ATXN1: variants seen among roughly 807,000 people sequenced by gnomAD.
ATXN1 encodes ataxin 1, also known as ataxin-1.
A neutral mutation model predicts 56.4 loss-of-function variants in ATXN1; 8 were observed. The observed-to-expected ratio is 0.14, with a 90% CI of 0.08 to 0.26. The LOEUF (loss-of-function observed/expected upper bound fraction) is 0.26, where lower values mean the gene tolerates loss of function less well. Among genes scored for constraint, ATXN1 ranks in the 10% least tolerant of loss-of-function variants. ATXN1 has a pLI of 1.00. For missense variants in ATXN1, 987 were observed against 1,106.5 expected (o/e 0.89, Z 1.53); for synonymous variants, 514 against 494.6 (o/e 1.04, Z -0.52).
intron 3 of ATXN1, among the ~76,000 whole-genome samples, chr6:16,635,026 G>A (rs1348033561): frequency 6.6e-6 from 1 of 152,180 alleles, no homozygotes; most frequent in East Asian, 1.9e-4. Flanking sequence ...GTGAGCAGTA[G>A]GCGAATGAGC....
chr6:16,719,856 G>A (rs74435795), intron 2 of ATXN1, among the ~76,000 whole-genome samples: 2,584 of 152,256 alleles, frequency 0.017, 33 homozygotes, highest in African/African-American at 0.032. Context: ...GGATGACAGC[G>A]GCAAGGAAAG....
rs142958498 is a variant in ATXN1, at chr6:16,417,462, G to A, written c.-161+68510C>T. ...TCTTATTTTTTTTTTTTCTTGAGAC[G>A]GAGTCTTGCTCTGTCACCCAGGCTG... On this transcript the variant is annotated intron_variant, in intron 6 of 7. Coordinates refer to ENST00000436367, the MANE Select transcript of ATXN1 (RefSeq NM_001128164.2). Among the ~76,000 whole-genome samples, 143 of 137,598 alleles carry A rather than the reference G, an allele frequency of 1.0e-3. 5 individuals are homozygous for A. In the East Asian group the frequency reaches 0.026, roughly 25 times the overall value. 90.3% of individuals were successfully genotyped at this position (137,598 alleles called of 152,430 possible). A position where few individuals can be genotyped will look rare whatever the true frequency, so the allele number is the denominator to read the frequency against.
At position 16,305,124 on chromosome 6, in the gene ATXN1, T is replaced by C. The variant is rs1365683858; in HGVS notation, c.*1205A>G. ...ACTTAGTTTTTTTTGTTTTTGTTTTTTCCCCAAAGAGTTTAAAGTGAGATA... is the reference window on the plus strand; with the variant it reads ...ACTTAGTTTTTTTTGTTTTTGTTTTCTCCCCAAAGAGTTTAAAGTGAGATA... On this transcript the variant is annotated 3_prime_UTR_variant, in exon 8 of 8. Coordinates refer to ENST00000436367, the MANE Select transcript of ATXN1 (RefSeq NM_001128164.2). 1 of 152,668 alleles carries C rather than the reference T, an allele frequency of 6.6e-6. No homozygotes were observed. Among genetic ancestry groups the C allele is most frequent in the Non-Finnish European group, 1.5e-5 (1 of 68,050 alleles). 9.5% of individuals were successfully genotyped at this position (152,668 alleles called of 1,614,324 possible). A position where few individuals can be genotyped will look rare whatever the true frequency, so the allele number is the denominator to read the frequency against.
At chr6:16,310,366 A>G (rs1760360320) in intron 7 of ATXN1, among the ~76,000 whole-genome samples, 1 of 152,240 alleles carries the variant, frequency 6.6e-6, no homozygotes, top group Non-Finnish European at 1.5e-5. Context: ...GGTAGAGAAA[A>G]AACAAATCTA....
In ATXN1 at chr6:16,326,574, G is replaced by A. The variant is rs1168952133; in HGVS notation, c.1737C>T (p.Ile579=). 2.5e-6 allele frequency: 4 copies of A among 1,614,182 alleles called. No individual in the cohort carries two copies. The highest frequency in any genetic ancestry group is 1.1e-5 in the South Asian group (1 of 91,082). The part of the protein sequence containing the change: ...TLPPYFMKGS[I]IQLANGELKK... ...TTAGCTCCCCGTTGGCCAACTGGAT[G>A]ATGGAGCCTTTCATGAAGTAGGGAG... The change falls in exon 7 of 8, where the codon ATC becomes ATT. Residue 579 remains isoleucine, a synonymous_variant. Transcript: ENST00000436367. The surrounding 1 kb of genome is among the most constrained non-coding windows in gnomAD (Gnocchi z 6.6).
At chr6:16,333,384 G>A (rs1304102935) in intron 6 of ATXN1, among the ~76,000 whole-genome samples, 2 of 152,158 alleles carry the variant, frequency 1.3e-5, no homozygotes, top group Admixed American at 1.3e-4. Context: ...CAGACTGCTT[G>A]GGAAGTGATA....
At chr6:16,491,613 T>C (rs1268727936) in intron 5 of ATXN1, among the ~76,000 whole-genome samples, 4 of 152,080 alleles carry the variant, frequency 2.6e-5, no homozygotes, top group Non-Finnish European at 4.4e-5. Flanking sequence ...CTGGAATTTT[T>C]AGTTATATTA....
intron 3 of ATXN1, among the ~76,000 whole-genome samples, chr6:16,595,465 CA>C (rs1193977637): frequency 6.6e-6 from 1 of 152,208 alleles, no homozygotes; most frequent in Non-Finnish European, 1.5e-5. Flanking sequence ...ATAAAACGGA[CA>C]GAATGTGGTA....
intron 2 of ATXN1, among the ~76,000 whole-genome samples, chr6:16,718,955 A>G (rs1759693427): frequency 6.6e-6 from 1 of 152,116 alleles, no homozygotes; most frequent in Non-Finnish European, 1.5e-5. Flanking sequence ...TACCCACCAT[A>G]ATTTGGGAAG....
At position 16,691,103 on chromosome 6, in the gene ATXN1, A is replaced by G. The variant is rs140577185; in HGVS notation, c.-614-33202T>C. 2.7e-3 allele frequency among the ~76,000 whole-genome samples: 415 copies of G among 152,328 alleles called. 2 individuals carry two copies. The highest frequency in any genetic ancestry group is 9.4e-3 in the African/African-American group (391 of 41,572). On this transcript the variant is annotated intron_variant, in intron 2 of 7. Coordinates refer to ENST00000436367, the MANE Select transcript of ATXN1 (RefSeq NM_001128164.2). Reference sequence around the variant, plus strand: ...GAAATGACATGATGCAACCACCTTCATGCATTCTGCAGTGAAAAAGATGGT... The same window carrying G: ...GAAATGACATGATGCAACCACCTTCGTGCATTCTGCAGTGAAAAAGATGGT...
rs148842043 is a variant in ATXN1 at position 16,632,870 on chromosome 6, G to A, written c.-489+24906C>T. Reference sequence around the variant, plus strand: ...AAATTAGCCGGGTGTGGTGGCATGCGCCTGTAATCCCAGCTACTTGGGAGG... The same window carrying A: ...AAATTAGCCGGGTGTGGTGGCATGCACCTGTAATCCCAGCTACTTGGGAGG... On this transcript the variant is annotated intron_variant, in intron 3 of 7. Transcript: ENST00000436367. Among the ~76,000 whole-genome samples, 1,437 of 151,934 alleles carry A rather than the reference G, an allele frequency of 9.5e-3. 28 individuals carry two copies. The highest frequency in any genetic ancestry group is 0.033 in the African/African-American group (1,349 of 41,450).
At chr6:16,463,740 A>T (rs1270346704) in intron 6 of ATXN1, among the ~76,000 whole-genome samples, 1 of 152,150 alleles carries the variant, frequency 6.6e-6, no homozygotes, top group African/African-American at 2.4e-5. Flanking sequence ...TGCCTTTCAA[A>T]CTCTTATACC....
intron 2 of ATXN1, among the ~76,000 whole-genome samples, chr6:16,699,073 C>T (rs1390279555): frequency 6.6e-6 from 1 of 152,134 alleles, no homozygotes; most frequent in African/African-American, 2.4e-5. Flanking sequence ...GTTCAGTGTA[C>T]AGCTTACCAC....
chr6:16,321,550 G>A (rs1247001810), intron 7 of ATXN1, among the ~76,000 whole-genome samples: 4 of 152,224 alleles, frequency 2.6e-5, no homozygotes, highest in Non-Finnish European at 4.4e-5. Flanking sequence ...CTTTGCTCGA[G>A]TGGAGAAAAG....
intron 6 of ATXN1, among the ~76,000 whole-genome samples, chr6:16,344,864 AAC>A (rs1365465105): frequency 2.0e-5 from 3 of 152,208 alleles, no homozygotes; most frequent in African/African-American, 7.2e-5. Flanking sequence ...TGGGTCCCCT[AAC>A]TGCTACTTCC....
At chr6:16,730,706 C>T (rs1759957024) in intron 2 of ATXN1, among the ~76,000 whole-genome samples, 1 of 152,048 alleles carries the variant, frequency 6.6e-6, no homozygotes, top group Admixed American at 6.6e-5. Context: ...CAAAATTTCC[C>T]TTCAAGTTCT....
At chr6:16,695,681 G>C (rs3793113) in intron 2 of ATXN1, among the ~76,000 whole-genome samples, 76,253 of 152,106 alleles carry the variant, frequency 0.5, 19,298 homozygotes, top group Admixed American at 0.57. Flanking sequence ...CTTGAGAGGT[G>C]AATGATTTAA....
intron 5 of ATXN1, 80 bp downstream of exon 5, chr6:16,522,547 C>G (rs1196113017): frequency 6.6e-6 from 1 of 152,048 alleles, no homozygotes; most frequent in Non-Finnish European, 1.5e-5. Context: ...CTGTCACACA[C>G]TTTTTCTTGG....
intron 2 of ATXN1, among the ~76,000 whole-genome samples, chr6:16,692,831 T>C (rs571244186): frequency 4.8e-4 from 73 of 152,322 alleles, no homozygotes; most frequent in Non-Finnish European, 8.7e-4. Flanking sequence ...AGATCTCAAA[T>C]TGGCAGATCT....
Sources: gnomAD v4.1 joint callset for allele counts (sites outside exome capture counted in the v4.1 genomes callset) on GRCh38, gnomAD v4.1.1 for gene constraint, Gnocchi (gnomAD v3.1) non-coding constraint, MANE v1.5 for transcripts, NCBI Gene and HGNC (gene_info 2026-07-23, HGNC 2026-07-21) for gene names.